DROSHA: variants seen among roughly 807,000 people sequenced by gnomAD.
DROSHA encodes the protein drosha ribonuclease III, also known as ribonuclease 3.
A neutral mutation model predicts 181.9 loss-of-function variants in DROSHA; 56 were observed. The ratio of observed to expected loss-of-function variants is 0.31; its 90% confidence interval spans 0.25 to 0.38. DROSHA has a LOEUF of 0.38. DROSHA is among the 10% of genes least tolerant of loss of function. The pLI is 1.00. For missense variants in DROSHA, 1,218 were observed against 1,743.5 expected, an observed-to-expected ratio of 0.70 and a Z score of 5.37; for synonymous variants, 524 against 591.2, an observed-to-expected ratio of 0.89 and a Z score of 1.65.
At position 31,411,445 on chromosome 5, in the gene DROSHA, A is replaced by AT. The variant is rs138092362; in HGVS notation, c.3526-559dup. 6.6e-5 allele frequency among the ~76,000 whole-genome samples: 10 copies of AT among 151,420 alleles called. No individual in the cohort carries two copies. Among genetic ancestry groups the AT allele is most frequent in the Admixed American group, 1.3e-4 (2 of 15,212 alleles). Reference sequence around the variant, plus strand: ...TGTCACTGTACATTAATTTTAAAGGATTTTTTTTTAAGTCTAAAATAAGCT... The same window carrying AT: ...TGTCACTGTACATTAATTTTAAAGGATTTTTTTTTTAAGTCTAAAATAAGCT... On this transcript the variant is annotated intron_variant, in intron 30 of 35. Coordinates refer to ENST00000344624, the MANE Select transcript of DROSHA (RefSeq NM_001382508.1). The surrounding 1 kb of genome is among the most constrained non-coding windows in gnomAD (Gnocchi z 4.2).
At position 31,401,328 on chromosome 5, in the gene DROSHA, T is replaced by C. The variant is rs775237795; in HGVS notation, c.*104A>G. ...GATTTGACTCTGTATTTTATTTCAATGAGCACACTTCATTCATTGTCTGCA... is the reference window on the plus strand; with the variant it reads ...GATTTGACTCTGTATTTTATTTCAACGAGCACACTTCATTCATTGTCTGCA... On this transcript the variant is annotated 3_prime_UTR_variant, in exon 36 of 36. Transcript: ENST00000344624. The C allele has an allele frequency of 2.1e-6, 3 of 1,461,316 alleles. No homozygotes were observed. Among genetic ancestry groups the C allele is most frequent in the Non-Finnish European group, 2.9e-6 (3 of 1,051,224 alleles). The allele number at this position is 1,461,316 out of a possible 1,614,324, so 90.5% of individuals were successfully genotyped here.
intron 11 of DROSHA, among the ~76,000 whole-genome samples, chr5:31,499,519 A>T (rs1753348269): frequency 6.6e-6 from 1 of 152,168 alleles, no homozygotes; most frequent in Non-Finnish European, 1.5e-5. Flanking sequence ...GTGAATTAGA[A>T]GCTGTACACC....
chr5:31,465,901 C>T (rs906156389), intron 19 of DROSHA, among the ~76,000 whole-genome samples: 5 of 151,994 alleles, frequency 3.3e-5, no homozygotes, highest in African/African-American at 7.2e-5. Flanking sequence ...CCTGCAGAAA[C>T]GTGCACCAAA....
chr5:31,487,064 T>C (rs1353125616), intron 13 of DROSHA, among the ~76,000 whole-genome samples: 1 of 152,128 alleles, frequency 6.6e-6, no homozygotes. Context: ...TAATAACAAA[T>C]GATAATAAAA....
chr5:31,427,231 A>C (rs184568990), intron 27 of DROSHA, among the ~76,000 whole-genome samples: 1 of 152,312 alleles, frequency 6.6e-6, no homozygotes, highest in East Asian at 1.9e-4. Flanking sequence ...AGGTGTGGAA[A>C]GCAGGGGCAT....
At chr5:31,489,475 A>G (rs1444757492) in intron 13 of DROSHA, among the ~76,000 whole-genome samples, 1 of 152,138 alleles carries the variant, frequency 6.6e-6, no homozygotes, top group Non-Finnish European at 1.5e-5. Flanking sequence ...TCATCTATTC[A>G]AACTGTAATC....
intron 14 of DROSHA, among the ~76,000 whole-genome samples, 171 bp from the exon 15 acceptor site, chr5:31,485,133 A>G (rs1227976958): frequency 6.6e-6 from 1 of 152,240 alleles, no homozygotes; most frequent in Non-Finnish European, 1.5e-5. Context: ...TGGAAATGAA[A>G]TAGACAATAA....
rs527310560 is a variant in DROSHA, at chr5:31,502,258, T to G, written c.1668+2297A>C. Among the ~76,000 whole-genome samples, 3 of 152,348 alleles carry G rather than the reference T, an allele frequency of 2.0e-5. No individual in the cohort carries two copies. In the East Asian group the frequency reaches 5.8e-4, roughly 29 times the overall value. ...TTCCAGGCTAGAGTACAAGCAGCCC[T>G]GCTGCTGGGGCCATATGTTTCGGCA... On this transcript the variant is annotated intron_variant, in intron 11 of 35. Transcript: ENST00000344624.
At chr5:31,448,804 C>A (rs1201823342) in intron 22 of DROSHA, among the ~76,000 whole-genome samples, 197 bp from the exon 23 acceptor site, 4 of 152,050 alleles carry the variant, frequency 2.6e-5, no homozygotes, top group Non-Finnish European at 5.9e-5. Flanking sequence ...CTCATCAACC[C>A]TTATTATAGT....
intron 23 of DROSHA, among the ~76,000 whole-genome samples, chr5:31,442,699 G>A (rs879300752): frequency 2.5e-4 from 38 of 152,098 alleles, no homozygotes; most frequent in Non-Finnish European, 4.6e-4. Flanking sequence ...AGAATCTTTC[G>A]CACTCTGGCA....
intron 25 of DROSHA, among the ~76,000 whole-genome samples, chr5:31,435,173 A>C (rs1431174501): frequency 3.9e-5 from 6 of 152,238 alleles, no homozygotes; most frequent in Non-Finnish European, 8.8e-5. Context: ...AATAAGACAT[A>C]ATATGGAGAT....
At chr5:31,438,923 G>T (rs1415755852) in intron 23 of DROSHA, among the ~76,000 whole-genome samples, 2 of 152,122 alleles carry the variant, frequency 1.3e-5, no homozygotes, top group Non-Finnish European at 2.9e-5. Flanking sequence ...GGACAGCATG[G>T]TATCCTCCAG....
chr5:31,420,974 C>T (rs572636542), intron 30 of DROSHA, among the ~76,000 whole-genome samples: 40 of 152,206 alleles, frequency 2.6e-4, no homozygotes, highest in Non-Finnish European at 4.7e-4. Flanking sequence ...CTTTAATCTC[C>T]TCTAATAATT....
chr5:31,424,954 A>G (rs1743296424), intron 27 of DROSHA, among the ~76,000 whole-genome samples: 1 of 152,150 alleles, frequency 6.6e-6, no homozygotes, highest in South Asian at 2.1e-4. Context: ...TGTTTATGAG[A>G]TCATGCTTTT....
intron 35 of DROSHA, among the ~76,000 whole-genome samples, chr5:31,402,901 G>C (rs1011294072): frequency 2.6e-5 from 4 of 152,208 alleles, no homozygotes; most frequent in African/African-American, 9.7e-5. Flanking sequence ...CTCTGCCTCT[G>C]CCTCCCAAGT....
At chr5:31,459,481 C>A (rs1378628924) in intron 20 of DROSHA, among the ~76,000 whole-genome samples, 6 of 151,410 alleles carry the variant, frequency 4.0e-5, no homozygotes, top group African/African-American at 1.5e-4. Flanking sequence ...TTCCTTTCTT[C>A]ACAAGCAGCA....
chr5:31,523,027 C>G (rs1464364610), intron 5 of DROSHA, among the ~76,000 whole-genome samples: 1 of 152,154 alleles, frequency 6.6e-6, no homozygotes, highest in African/African-American at 2.4e-5. Flanking sequence ...CCCCAAGAAG[C>G]AGGGGAGGGG....
chr5:31,416,115 G>A (rs1197190138), intron 30 of DROSHA, among the ~76,000 whole-genome samples: 1 of 152,188 alleles, frequency 6.6e-6, no homozygotes. Context: ...GCAAGGGAAT[G>A]GCTCAAAGCT....
chr5:31,526,710 G>A lies in DROSHA; in HGVS notation c.223C>T (p.Arg75Ter), dbSNP rs762001670. The change falls in exon 5 of 36, where the codon CGA (arginine) becomes TGA (stop). Residue 75 changes from arginine (R) to a stop codon, truncating the protein, a stop_gained. Coordinates refer to ENST00000344624, the MANE Select transcript of DROSHA (RefSeq NM_001382508.1). LOFTEE classifies it high-confidence loss of function. ...GGGGGGAAGGGTACAAAGTCTGGTC[G>A]TGGAGGGAGAAAATTGGGGGCTGGA... The part of the protein sequence containing the change: ...NSPAPNFLPP[R>*]PDFVPFPPPM... The A allele has an allele frequency of 1.3e-6, 2 of 1,553,480 alleles. No homozygotes were observed. The highest frequency in any genetic ancestry group is 1.7e-6 in the Non-Finnish European group (2 of 1,153,646).
Sources: allele counts gnomAD v4.1 joint callset (sites outside exome capture counted in the v4.1 genomes callset), GRCh38; gene constraint gnomAD v4.1.1; non-coding constraint Gnocchi (gnomAD v3.1); transcripts MANE v1.5; gene names NCBI Gene and HGNC (gene_info 2026-07-23, HGNC 2026-07-21).